C1orf21: variants seen among roughly 807,000 people sequenced by gnomAD.
C1orf21 encodes the protein chromosome 1 open reading frame 21.
C1orf21 carries 3 observed loss-of-function variants against 18.7 expected under a neutral mutation model. That is an observed-to-expected ratio of 0.16 (90% confidence interval 0.07 to 0.42). The LOEUF is 0.42. Among genes scored for constraint, C1orf21 ranks in the 10% least tolerant of loss-of-function variants. The pLI is 0.99. For missense variants in C1orf21, 104 were observed against 143.6 expected (o/e 0.72, Z 1.41); for synonymous variants, 41 against 46.4 (o/e 0.88, Z 0.47).
chr1:184,596,010 C>G (rs1046668771), intron 4 of C1orf21, among the ~76,000 whole-genome samples: 1 of 152,164 alleles, frequency 6.6e-6, no homozygotes, highest in African/African-American at 2.4e-5. Context: ...ATAAGCATCC[C>G]GAGGTCCTTA....
At chr1:184,420,470 C>T (rs776703577) in intron 1 of C1orf21, among the ~76,000 whole-genome samples, 4 of 152,176 alleles carry the variant, frequency 2.6e-5, no homozygotes, top group Non-Finnish European at 5.9e-5. Flanking sequence ...CAAAATACTT[C>T]AGTGGTGCTA....
At chr1:184,563,722 A>G (rs1203004560) in intron 3 of C1orf21, among the ~76,000 whole-genome samples, 2 of 152,138 alleles carry the variant, frequency 1.3e-5, no homozygotes, top group Non-Finnish European at 2.9e-5. Flanking sequence ...TCCTCTATCC[A>G]TTGTCGCTGC....
At chr1:184,616,726 C>CGTGTGTGTGT (rs55938251) in intron 5 of C1orf21, among the ~76,000 whole-genome samples, 11 of 150,818 alleles carry the variant, frequency 7.3e-5, no homozygotes, top group East Asian at 5.9e-4. Context: ...GTTGTGTGCA[C>CGTGTGTGTGT]GTGTGTGTGT....
At chr1:184,467,317 TGAA>T (rs1657413362) in intron 1 of C1orf21, among the ~76,000 whole-genome samples, 1 of 152,158 alleles carries the variant, frequency 6.6e-6, no homozygotes, top group Non-Finnish European at 1.5e-5. Context: ...ACCTGCCTGG[TGAA>T]GGAGACAGAC....
intron 3 of C1orf21, among the ~76,000 whole-genome samples, chr1:184,544,708 C>T (rs1658704536): frequency 6.6e-6 from 1 of 152,080 alleles, no homozygotes; most frequent in South Asian, 2.1e-4. Flanking sequence ...TTATCTCATA[C>T]AGTTTCTGAG....
chr1:184,424,105 G>C (rs1656592625), intron 1 of C1orf21, among the ~76,000 whole-genome samples: 1 of 151,952 alleles, frequency 6.6e-6, no homozygotes, highest in African/African-American at 2.4e-5. Context: ...GTCTCCTACT[G>C]GTCCTACTTT....
At chr1:184,574,570 C>T (rs977348966) in intron 3 of C1orf21, among the ~76,000 whole-genome samples, 4 of 152,162 alleles carry the variant, frequency 2.6e-5, no homozygotes, top group African/African-American at 9.7e-5. Context: ...AGCTCCTAAT[C>T]ATGTTCTTTA....
chr1:184,583,099 A>G (rs1295439427), intron 3 of C1orf21, among the ~76,000 whole-genome samples: 3 of 152,180 alleles, frequency 2.0e-5, no homozygotes, highest in Non-Finnish European at 4.4e-5. Context: ...TCGGCCTCCC[A>G]GAGTGCTGGG....
chr1:184,409,107 G>A (rs1656293165), intron 1 of C1orf21, among the ~76,000 whole-genome samples: 1 of 152,064 alleles, frequency 6.6e-6, no homozygotes, highest in African/African-American at 2.4e-5. Flanking sequence ...TTCTTTCTCA[G>A]TTTTCAAAGA....
At chr1:184,454,110 GA>G (rs1225124539) in intron 1 of C1orf21, among the ~76,000 whole-genome samples, 3 of 152,130 alleles carry the variant, frequency 2.0e-5, no homozygotes, top group African/African-American at 7.2e-5. Context: ...TTTACTTTTG[GA>G]GAAGCAACTT....
In C1orf21 at chr1:184,622,296, G is replaced by A. The variant is rs989926522; in HGVS notation, c.*2740G>A. 1 of 152,258 alleles carries A rather than the reference G, an allele frequency of 6.6e-6. No homozygotes were observed. The highest frequency in any genetic ancestry group is 1.5e-5 in the Non-Finnish European group (1 of 68,072). 9.4% of individuals were successfully genotyped at this position (152,258 alleles called of 1,614,324 possible). A position where few individuals can be genotyped will look rare whatever the true frequency, so the allele number is the denominator to read the frequency against. On this transcript the variant is annotated 3_prime_UTR_variant, in exon 6 of 6. Coordinates refer to ENST00000235307, the MANE Select transcript of C1orf21 (RefSeq NM_030806.4). The stretch of plus-strand genomic sequence containing the variant: ...TGAACTGAGAGCATTAAGCAGAGAG[G>A]GTTGATAGGCTGGCCGTGTCCGGGG...
intron 3 of C1orf21, among the ~76,000 whole-genome samples, chr1:184,575,451 G>A (rs1659172323): frequency 6.6e-6 from 1 of 152,038 alleles, no homozygotes; most frequent in Non-Finnish European, 1.5e-5. Flanking sequence ...ATGGGAAGAG[G>A]TTGCAGAGGG....
chr1:184,389,577 G>A (rs1274742897), intron 1 of C1orf21, among the ~76,000 whole-genome samples: 1 of 152,120 alleles, frequency 6.6e-6, no homozygotes, highest in African/African-American at 2.4e-5. Flanking sequence ...AAGAGCTTTG[G>A]TACTATTTGC....
At chr1:184,476,104 A>G (rs546309075) in intron 1 of C1orf21, among the ~76,000 whole-genome samples, 37 of 152,278 alleles carry the variant, frequency 2.4e-4, no homozygotes, top group African/African-American at 8.2e-4. Context: ...AATTTGAAAA[A>G]TTCTCTTTGC....
At chr1:184,413,337 G>A (rs966584342) in intron 1 of C1orf21, among the ~76,000 whole-genome samples, 13 of 152,106 alleles carry the variant, frequency 8.5e-5, no homozygotes, top group Non-Finnish European at 1.6e-4. Flanking sequence ...TCACATCCCC[G>A]TAAAAATTAT....
At chr1:184,605,042 G>A (rs1451788356) in intron 5 of C1orf21, among the ~76,000 whole-genome samples, 1 of 152,238 alleles carries the variant, frequency 6.6e-6, no homozygotes, top group African/African-American at 2.4e-5. Context: ...GGCACAATCA[G>A]TGAATGGTAT....
intron 3 of C1orf21, among the ~76,000 whole-genome samples, chr1:184,509,986 A>T (rs572797854): frequency 8.5e-5 from 13 of 152,288 alleles, no homozygotes; most frequent in Non-Finnish European, 1.3e-4. Flanking sequence ...TCCTGTTGTG[A>T]GTACTGCGTG....
chr1:184,512,810 A>G (rs1658170143), intron 3 of C1orf21, among the ~76,000 whole-genome samples: 1 of 152,162 alleles, frequency 6.6e-6, no homozygotes, highest in South Asian at 2.1e-4. Context: ...CTGGACCAGT[A>G]CCAGTCGGTG....
chr1:184,605,861 G>A lies in C1orf21; in HGVS notation c.327+7400G>A, dbSNP rs568067284. On this transcript the variant is annotated intron_variant, in intron 5 of 5. Transcript: ENST00000235307. ...GGTAGCCTTCATTTTGGTTGAAGTC[G>A]CCTGTGTTTGTACCATCAAGGCCAT... 2.2e-4 allele frequency among the ~76,000 whole-genome samples: 34 copies of A among 152,258 alleles called. No individual in the cohort carries two copies. The South Asian group carries it at 3.1e-3, about 14-fold the overall frequency.
Sources: allele counts gnomAD v4.1 joint callset (sites outside exome capture counted in the v4.1 genomes callset), GRCh38; gene constraint gnomAD v4.1.1; transcripts MANE v1.5; gene names NCBI Gene and HGNC (gene_info 2026-07-23, HGNC 2026-07-21).